The following PARP1 variants were observed in gnomAD, a reference collection of about 807,000 sequenced individuals.
The protein encoded by PARP1 is poly(ADP-ribose) polymerase 1.
PARP1 carries 44 observed loss-of-function variants against 118.7 expected under a neutral mutation model. The ratio of observed to expected loss-of-function variants is 0.37; its 90% CI spans 0.29 to 0.48. PARP1 has a LOEUF of 0.48. Ranked by LOEUF, PARP1 falls within the 20% of genes least tolerant of loss-of-function variation. The pLI, the probability that PARP1 is intolerant of heterozygous loss-of-function variation, is 0.99. For synonymous variants in PARP1, 492 were observed against 483.2 expected (o/e 1.02, Z -0.24); for missense variants, 1,100 against 1,272.4 (o/e 0.86, Z 2.06).
At chr1:226,378,211 TAA>T (rs1664532677) in intron 12 of PARP1, among the ~76,000 whole-genome samples, 1 of 152,118 alleles carries the variant, frequency 6.6e-6, no homozygotes, top group African/African-American at 2.4e-5. Flanking sequence ...TAGAATTTAG[TAA>T]GAGTTCCTTC....
chr1:226,365,932 T>A (rs1664255865), intron 18 of PARP1, 22 bp downstream of exon 18: 5 of 1,505,024 alleles, frequency 3.3e-6, no homozygotes, highest in East Asian at 2.3e-5. Context: ...CAGAAGGAAG[T>A]GGGGGAAGAA....
intron 2 of PARP1, among the ~76,000 whole-genome samples, chr1:226,398,936 T>C (rs758035406): frequency 6.6e-6 from 1 of 152,178 alleles, no homozygotes; most frequent in Non-Finnish European, 1.5e-5. Context: ...GCTTTGTTCA[T>C]AATCACCAAA....
intron 13 of PARP1, among the ~76,000 whole-genome samples, chr1:226,376,047 C>A (rs1664480541): frequency 6.6e-6 from 1 of 152,080 alleles, no homozygotes; most frequent in South Asian, 2.1e-4. Context: ...CAGGCCAAAT[C>A]TGTCCTGAAA....
chr1:226,386,386 A>C lies in PARP1; in HGVS notation c.774T>G (p.Thr258=), dbSNP rs559911383. 6.2e-7 allele frequency: 1 copy of C among 1,614,098 alleles called. No homozygotes were observed. The highest frequency in any genetic ancestry group is 2.2e-5 in the East Asian group (1 of 44,878). The change falls in exon 6 of 23, where the codon ACT becomes ACG. Residue 258 remains threonine (T), a synonymous_variant. Coordinates refer to ENST00000366794, the MANE Select transcript of PARP1 (RefSeq NM_001618.4). ...IKDELKKVCS[T]NDLKELLIFN... is the part of the protein sequence containing the mutation. The stretch of plus-strand genomic sequence containing the variant: ...AGATGAGTAGCTCCTTCAGGTCATT[A>C]GTTGAACACACTTTCTTTAGCTCGT...
In PARP1 at chr1:226,387,096, C is replaced by T. The variant is rs576793135; in HGVS notation, c.718-654G>A. 9.4e-4 allele frequency among the ~76,000 whole-genome samples: 143 copies of T among 152,260 alleles called. 5 individuals carry two copies. In the South Asian group the frequency reaches 0.028, roughly 30 times the overall value. ...CTTCTGGGTTCAAGCAATTCTCCTG[C>T]CTCAGTCTCCTGAGTAGCTGGGATT... On this transcript the variant is annotated intron_variant, in intron 5 of 22. Coordinates refer to ENST00000366794, the MANE Select transcript of PARP1 (RefSeq NM_001618.4).
rs1664230999 is a variant in PARP1 at position 226,365,077 on chromosome 1, C to T, written c.2583G>A (p.Trp861Ter). Residue 861 changes from tryptophan to a stop codon, truncating the protein, a stop_gained, in exon 19 of 23, where the codon TGG becomes TGA. Coordinates refer to ENST00000366794, the MANE Select transcript of PARP1 (RefSeq NM_001618.4). LOFTEE classifies it high-confidence loss of function. ...FKQLHNRRLL[W>*]HGSRTTNFAG... is the part of the protein sequence containing the mutation. ...CAAAGTTGGTGGTCCTGGACCCGTG[C>T]CACAGCAATCTTCGGTTATGAAGCT... 2 of 1,614,136 alleles carry T rather than the reference C, an allele frequency of 1.2e-6. No homozygotes were observed. Among genetic ancestry groups the T allele is most frequent in the African/African-American group, 2.7e-5 (2 of 74,958 alleles).
chr1:226,376,617 CTA>C (rs1360309793), intron 13 of PARP1, among the ~76,000 whole-genome samples: 1 of 152,248 alleles, frequency 6.6e-6, no homozygotes, highest in Non-Finnish European at 1.5e-5. Flanking sequence ...CATTTAAGCT[CTA>C]TCTCATACTT....
chr1:226,380,059 A>C lies in PARP1; in HGVS notation c.1406T>G (p.Leu469Arg). ...GATGTGCGCTAAGAACAACTCCTGA[A>C]GGCTCTTGGTGGAGGCGGAGACGTC... Reference protein sequence around the residue: ...LQDVSASTKSLQELFLAHILS... With the variant: ...LQDVSASTKSRQELFLAHILS... The change falls in exon 10 of 23, where the codon CTT becomes CGT. Residue 469 changes from leucine to arginine, a missense_variant. Physicochemically the swap from Leu to Arg is moderately radical, Grantham distance 102. Transcript: ENST00000366794. 1 of 1,614,208 alleles carries C rather than the reference A, an allele frequency of 6.2e-7. No individual in the cohort carries two copies. Among genetic ancestry groups the C allele is most frequent in the Non-Finnish European group, 8.5e-7 (1 of 1,180,026 alleles).
Position 226,386,407 on chromosome 1 carries a change from C to T in PARP1, c.753G>A (p.Glu251=). Residue 251 remains glutamate (E), a synonymous_variant, in exon 6 of 23, where the codon GAG becomes GAA. Transcript: ENST00000366794. ...QNDLIWNIKD[E]LKKVCSTNDL... ...CATTAGTTGAACACACTTTCTTTAG[C>T]TCGTCCTTGATGTTCCAGATCAGGT... is the stretch of plus-strand genomic sequence containing the variant. The T allele has an allele frequency of 6.2e-7, 1 of 1,613,996 alleles. No homozygotes were observed. The highest frequency in any genetic ancestry group is 8.5e-7 in the Non-Finnish European group (1 of 1,179,854).
In PARP1 at chr1:226,380,066, T is replaced by TGGTGGA. The variant is rs1664574249; in HGVS notation, c.1393_1398dup (p.Ser465_Thr466dup). 1 of 1,614,120 alleles carries TGGTGGA rather than the reference T, an allele frequency of 6.2e-7. No homozygotes were observed. Among genetic ancestry groups the TGGTGGA allele is most frequent in the Non-Finnish European group, 8.5e-7 (1 of 1,180,036 alleles). On this transcript the variant is annotated inframe_insertion, in exon 10 of 23. Coordinates refer to ENST00000366794, the MANE Select transcript of PARP1 (RefSeq NM_001618.4). ...GCTAAGAACAACTCCTGAAGGCTCT[T>TGGTGGA]GGTGGAGGCGGAGACGTCCTGGAGG...
At position 226,377,101 on chromosome 1, in the gene PARP1, T is replaced by TG; in HGVS notation, c.1941+6dup. Reference sequence around the variant, plus strand: ...AAGCAGACAGTGTAAGGGCATTATGTGGTTACCTGGCCATAGTCAATCTCC... The same window carrying TG: ...AAGCAGACAGTGTAAGGGCATTATGTGGGTTACCTGGCCATAGTCAATCTCC... On this transcript the variant is annotated splice_region_variant and intron_variant, in intron 13 of 22. Transcript: ENST00000366794. The TG allele has an allele frequency of 6.2e-7, 1 of 1,611,918 alleles. No individual in the cohort carries two copies.
chr1:226,381,096 G>A lies in PARP1; in HGVS notation c.1272C>T (p.Asn424=). The A allele has an allele frequency of 1.2e-6, 2 of 1,614,186 alleles. No homozygotes were observed. The highest frequency in any genetic ancestry group is 8.5e-7 in the Non-Finnish European group (1 of 1,180,020). The change falls in exon 9 of 23, where the codon AAC becomes AAT. Residue 424 remains asparagine (N), a synonymous_variant. Transcript: ENST00000366794. ...KLGGKLTGTA[N]KASLCISTKK... ...TGGTGCTGATGCACAGGGAAGCCTT[G>A]TTGGCCGTCCCCGTCAACTTCCCCC...
intron 16 of PARP1, 73 bp downstream of exon 16, chr1:226,368,126 G>A (rs1392531786): frequency 1.3e-6 from 2 of 1,594,758 alleles, no homozygotes; most frequent in Non-Finnish European, 1.7e-6. Flanking sequence ...GGATCATGAT[G>A]GGGAGGGACG....
intron 13 of PARP1, among the ~76,000 whole-genome samples, chr1:226,376,481 G>A (rs1664489773): frequency 6.6e-6 from 1 of 152,174 alleles, no homozygotes; most frequent in Non-Finnish European, 1.5e-5. Flanking sequence ...CCAGTCACAT[G>A]ATCAAGGGTG....
In PARP1 at chr1:226,365,267, G is replaced by T; in HGVS notation, c.2506-113C>A. Reference sequence around the variant, plus strand: ...TGACCGGCTGTCCCTAAGGCTAGAAGACTTAAGGTCTGCTGCAATGTAAAA... The same window carrying T: ...TGACCGGCTGTCCCTAAGGCTAGAATACTTAAGGTCTGCTGCAATGTAAAA... On this transcript the variant is annotated intron_variant, in intron 18 of 22. Coordinates refer to ENST00000366794, the MANE Select transcript of PARP1 (RefSeq NM_001618.4). 3.4e-6 allele frequency: 4 copies of T among 1,193,496 alleles called. No individual in the cohort carries two copies. The East Asian group carries it at 9.6e-5, about 29-fold the overall frequency. 73.9% of individuals were successfully genotyped at this position (1,193,496 alleles called of 1,614,324 possible). A position where few individuals can be genotyped will look rare whatever the true frequency, so the allele number is the denominator to read the frequency against.
At chr1:226,381,298 C>T (rs973458532) in intron 8 of PARP1, 90 bp from the exon 9 acceptor site, 29 of 1,496,848 alleles carry the variant, frequency 1.9e-5, no homozygotes, top group East Asian at 6.8e-5. Context: ...AGCCAAGCAG[C>T]GAGCTCCTGG....
intron 7 of PARP1, among the ~76,000 whole-genome samples, chr1:226,385,058 T>C (rs947477716): frequency 6.6e-6 from 1 of 152,086 alleles, no homozygotes; most frequent in Non-Finnish European, 1.5e-5. Context: ...AGCAGTTCCA[T>C]TAAAAAAAGA....
intron 22 of PARP1, 104 bp from the exon 23 acceptor site, chr1:226,361,645 T>C: frequency 1.2e-6 from 1 of 852,334 alleles, no homozygotes; most frequent in Non-Finnish European, 2.0e-6. Flanking sequence ...AGCCTGAAAG[T>C]CACTCTAAGG....
rs765091977 is a variant in PARP1 at position 226,386,450 on chromosome 1, C to A, written c.718-8G>T. On this transcript the variant is annotated splice_region_variant and splice_polypyrimidine_tract_variant and intron_variant, in intron 5 of 22. Transcript: ENST00000366794. ...GATCAGGTCGTTCTGAGCCTATGGA[C>A]AAGACCCAGTGGCTGAGAGGCTAGC... 2.6e-6 allele frequency: 4 copies of A among 1,568,224 alleles called. No homozygotes were observed. Among genetic ancestry groups the A allele is most frequent in the African/African-American group, 2.7e-5 (2 of 73,966 alleles).
Sources: allele counts gnomAD v4.1 joint callset (sites outside exome capture counted in the v4.1 genomes callset), GRCh38; gene constraint gnomAD v4.1.1; transcripts MANE v1.5; gene names NCBI Gene and HGNC (gene_info 2026-07-23, HGNC 2026-07-21).